The following ELMO1 variants were observed in gnomAD, a reference collection of about 807,000 sequenced individuals.
ELMO1 encodes the protein engulfment and cell motility protein 1.
A neutral mutation model predicts 98.9 loss-of-function variants in ELMO1; 26 were observed. The ratio of observed to expected loss-of-function variants is 0.26; its 90% CI spans 0.19 to 0.36. The LOEUF is 0.36. Among genes scored for constraint, ELMO1 ranks in the 10% least tolerant of loss-of-function variants. The probability of loss-of-function intolerance (pLI) is 1.00; values close to 1 mark genes in which losing one functional copy is unlikely to be tolerated. For synonymous variants in ELMO1, 346 were observed against 346.0 expected (o/e 1.00, Z 0.00); for missense variants, 627 against 935.2 (o/e 0.67, Z 4.30).
chr7:37,062,572 C>A (rs868781130), intron 15 of ELMO1, among the ~76,000 whole-genome samples: 1 of 152,088 alleles, frequency 6.6e-6, no homozygotes, highest in Admixed American at 6.5e-5. Flanking sequence ...CTTTCCCCAA[C>A]AATAATCCAT....
intron 15 of ELMO1, among the ~76,000 whole-genome samples, chr7:37,073,978 G>C (rs1398985922): frequency 1.3e-5 from 2 of 150,688 alleles, no homozygotes; most frequent in Non-Finnish European, 3.0e-5. Context: ...AGGAGAAGTA[G>C]GGAAATGGCA....
Position 37,104,010 on chromosome 7 carries a change from C to CAAAAAAAA in ELMO1, c.1192-7291_1192-7284dup, listed in dbSNP as rs35979251. Among the ~76,000 whole-genome samples the CAAAAAAAA allele has an allele frequency of 8.4e-3, 243 of 29,010 alleles. 10 individuals carry two copies. Among genetic ancestry groups the CAAAAAAAA allele is most frequent in the East Asian group, 0.011 (6 of 522 alleles). The allele number at this position is 29,010 out of a possible 152,430, so 19.0% of individuals were successfully genotyped here. A position where few individuals can be genotyped will look rare whatever the true frequency, so the allele number is the denominator to read the frequency against. ...TGGGTGAGAGAGTGAGACTCCATCT[C>CAAAAAAAA]AAAAAAAAAAAAAAAAAAAAAAAAA... On this transcript the variant is annotated intron_variant, in intron 14 of 21. Coordinates refer to ENST00000310758, the MANE Select transcript of ELMO1 (RefSeq NM_014800.11).
At chr7:37,243,055 T>C (rs1425795456) in intron 7 of ELMO1, among the ~76,000 whole-genome samples, 6 of 152,194 alleles carry the variant, frequency 3.9e-5, no homozygotes, top group Admixed American at 2.0e-4. Flanking sequence ...TTCATAATTG[T>C]TATCTGTGTT....
intron 1 of ELMO1, among the ~76,000 whole-genome samples, chr7:37,355,695 A>G (rs559503172): frequency 6.6e-6 from 1 of 152,362 alleles, no homozygotes; most frequent in South Asian, 2.1e-4. Flanking sequence ...GGAAAATAAG[A>G]GAACCATTTT....
At chr7:37,448,870 G>C (rs1355979073), upstream of ELMO1, 2 of 153,042 alleles carry the variant, frequency 1.3e-5, no homozygotes, top group African/African-American at 4.8e-5. Context: ...ACTCTGGGTC[G>C]GCCGGCTGCT....
chr7:37,208,192 G>A (rs1371663875), intron 13 of ELMO1, among the ~76,000 whole-genome samples: 1 of 152,238 alleles, frequency 6.6e-6, no homozygotes, highest in Non-Finnish European at 1.5e-5. Context: ...GGTTCCAGCT[G>A]CTGTGCTAGT....
At chr7:37,409,669 A>C (rs1010041838) in intron 1 of ELMO1, among the ~76,000 whole-genome samples, 3 of 152,114 alleles carry the variant, frequency 2.0e-5, no homozygotes, top group African/African-American at 7.2e-5. Flanking sequence ...GGGCTTCTTC[A>C]CAGCATGGTG....
chr7:37,315,175 G>T (rs957223315), intron 3 of ELMO1, among the ~76,000 whole-genome samples: 34 of 152,146 alleles, frequency 2.2e-4, no homozygotes, highest in Non-Finnish European at 1.2e-4. Context: ...CATCCTCAAG[G>T]CTTGGTGTGG....
intron 1 of ELMO1, among the ~76,000 whole-genome samples, chr7:37,383,510 CT>C (rs1802661916): frequency 2.6e-5 from 4 of 152,148 alleles, no homozygotes; most frequent in Admixed American, 6.5e-5. Context: ...TGAAATTTTA[CT>C]TGTCATTTAT....
At chr7:37,278,973 C>T (rs1796997980) in intron 4 of ELMO1, among the ~76,000 whole-genome samples, 1 of 151,874 alleles carries the variant, frequency 6.6e-6, no homozygotes, top group South Asian at 2.1e-4. Flanking sequence ...AGGCCCAGGC[C>T]GGTGGGTCAC....
intron 13 of ELMO1, among the ~76,000 whole-genome samples, chr7:37,185,841 T>C (rs2130067430): frequency 6.6e-6 from 1 of 152,350 alleles, no homozygotes; most frequent in South Asian, 2.1e-4. Flanking sequence ...GTATCCCATG[T>C]TCATGAATTA....
chr7:36,855,878 C>G lies in ELMO1; in HGVS notation c.1984-127G>C. 1 of 1,071,318 alleles carries G rather than the reference C, an allele frequency of 9.3e-7. No individual in the cohort carries two copies. The highest frequency in any genetic ancestry group is 1.5e-5 in the South Asian group (1 of 65,356). 66.4% of individuals were successfully genotyped at this position (1,071,318 alleles called of 1,614,324 possible). A position where few individuals can be genotyped will look rare whatever the true frequency, so the allele number is the denominator to read the frequency against. On this transcript the variant is annotated intron_variant, in intron 21 of 21. Transcript: ENST00000310758. The surrounding 1 kb of genome is among the most constrained non-coding windows in gnomAD (Gnocchi z 4.2). Reference sequence around the variant, plus strand: ...GCGCTAAGGGCTCTGCCTACTTCGTCATTTCATATTTGGCGACATCTCAAT... The same window carrying G: ...GCGCTAAGGGCTCTGCCTACTTCGTGATTTCATATTTGGCGACATCTCAAT...
intron 13 of ELMO1, among the ~76,000 whole-genome samples, chr7:37,142,628 C>T (rs1214582314): frequency 1.3e-5 from 2 of 152,206 alleles, no homozygotes; most frequent in African/African-American, 2.4e-5. Flanking sequence ...AGCATTTAGA[C>T]TTTACATAGA....
At chr7:37,235,104 A>C (rs973159878) in intron 7 of ELMO1, among the ~76,000 whole-genome samples, 12 of 152,244 alleles carry the variant, frequency 7.9e-5, no homozygotes, top group African/African-American at 1.7e-4. Context: ...ATTTGAAGAA[A>C]AGAACAGAAC....
chr7:37,058,134 T>A (rs1162541795), intron 15 of ELMO1, among the ~76,000 whole-genome samples: 1 of 152,192 alleles, frequency 6.6e-6, no homozygotes, highest in Non-Finnish European at 1.5e-5. Flanking sequence ...TACTGAACAG[T>A]GAAACTCCAC....
chr7:37,235,753 T>C (rs1361504174), intron 7 of ELMO1, among the ~76,000 whole-genome samples: 2 of 152,152 alleles, frequency 1.3e-5, no homozygotes, highest in Non-Finnish European at 2.9e-5. Context: ...GCCAACGTGG[T>C]GAAACCCCGT....
intron 13 of ELMO1, among the ~76,000 whole-genome samples, chr7:37,184,574 C>CA (rs1471685811): frequency 6.6e-6 from 1 of 152,162 alleles, no homozygotes; most frequent in Non-Finnish European, 1.5e-5. Context: ...TTAAAACATC[C>CA]ATTTAAATCA....
intron 13 of ELMO1, among the ~76,000 whole-genome samples, chr7:37,164,087 A>G (rs1223095751): frequency 6.6e-6 from 1 of 152,204 alleles, no homozygotes; most frequent in Non-Finnish European, 1.5e-5. Flanking sequence ...TCTGATGGCC[A>G]GTGATGATGA....
At chr7:37,022,190 G>C (rs1312337262) in intron 15 of ELMO1, among the ~76,000 whole-genome samples, 2 of 152,196 alleles carry the variant, frequency 1.3e-5, no homozygotes, top group Non-Finnish European at 2.9e-5. Context: ...TTTAAGGTGG[G>C]CGAAAGTTTC....
Sources: gnomAD v4.1 joint callset for allele counts (sites outside exome capture counted in the v4.1 genomes callset) on GRCh38, gnomAD v4.1.1 for gene constraint, Gnocchi (gnomAD v3.1) non-coding constraint, MANE v1.5 for transcripts, NCBI Gene and HGNC (gene_info 2026-07-23, HGNC 2026-07-21) for gene names.